The following AUH variants were observed in gnomAD, a reference collection of about 807,000 sequenced individuals.
The protein encoded by AUH is methylglutaconyl-CoA hydratase, mitochondrial.
Under a neutral mutation model 42.3 loss-of-function variants are expected in AUH, and 29 were observed. That is an observed-to-expected ratio of 0.69 (90% confidence interval 0.51 to 0.93). The LOEUF is 0.93. Ranked by LOEUF, AUH falls within the 40% of genes least tolerant of loss-of-function variation. AUH has a pLI of 0.00. For missense variants in AUH, 452 were observed against 438.1 expected, an observed-to-expected ratio of 1.03 and a Z score of -0.28; for synonymous variants, 174 against 166.4, an observed-to-expected ratio of 1.05 and a Z score of -0.35.
intron 1 of AUH, among the ~76,000 whole-genome samples, chr9:91,358,495 T>A (rs1233533141): frequency 6.6e-6 from 1 of 152,176 alleles, no homozygotes; most frequent in Non-Finnish European, 1.5e-5. Context: ...ACTTAACCTC[T>A]CTGATCCTCA....
chr9:91,335,790 T>A (rs914657752), intron 3 of AUH, among the ~76,000 whole-genome samples: 1 of 152,250 alleles, frequency 6.6e-6, no homozygotes. Flanking sequence ...AATTTCCCAA[T>A]GTAGGGGACT....
intron 4 of AUH, among the ~76,000 whole-genome samples, chr9:91,302,382 G>A (rs952285838): frequency 2.0e-5 from 3 of 152,034 alleles, no homozygotes; most frequent in African/African-American, 7.2e-5. Flanking sequence ...CTGAGGCCAG[G>A]AGTTTGAGAC....
chr9:91,308,938 C>T (rs1828454326), intron 4 of AUH, among the ~76,000 whole-genome samples: 1 of 151,724 alleles, frequency 6.6e-6, no homozygotes. Flanking sequence ...TTACAGGTGC[C>T]TACCATCATG....
chr9:91,309,338 A>T (rs1157630303), intron 4 of AUH, among the ~76,000 whole-genome samples: 1 of 152,062 alleles, frequency 6.6e-6, no homozygotes, highest in Non-Finnish European at 1.5e-5. Flanking sequence ...AAGACCCAGT[A>T]GTCAGTTCTT....
chr9:91,342,041 G>A (rs1831145318), intron 3 of AUH, among the ~76,000 whole-genome samples: 1 of 152,192 alleles, frequency 6.6e-6, no homozygotes, highest in South Asian at 2.1e-4. Context: ...GAGTAGGCGA[G>A]ACCTGACACA....
intron 3 of AUH, among the ~76,000 whole-genome samples, chr9:91,350,404 T>C (rs1485999104): frequency 1.3e-5 from 2 of 152,220 alleles, no homozygotes; most frequent in Admixed American, 1.3e-4. Flanking sequence ...AGGGATTCTA[T>C]AAAATTAAAG....
chr9:91,332,834 G>C (rs937020048), intron 3 of AUH, among the ~76,000 whole-genome samples: 1 of 152,214 alleles, frequency 6.6e-6, no homozygotes, highest in African/African-American at 2.4e-5. Context: ...ATGGGGGCGT[G>C]AGCATGGCCC....
chr9:91,222,964 A>G (rs920906672), intron 6 of AUH, among the ~76,000 whole-genome samples: 8 of 152,208 alleles, frequency 5.3e-5, no homozygotes, highest in Non-Finnish European at 1.0e-4. Flanking sequence ...TTCCACTTAT[A>G]GCATGATCCT....
intron 6 of AUH, among the ~76,000 whole-genome samples, chr9:91,234,834 G>A (rs1828086393): frequency 6.8e-6 from 1 of 146,794 alleles, no homozygotes; most frequent in African/African-American, 2.5e-5. Context: ...AGGGAAGAGA[G>A]TTCTGAGACA....
intron 3 of AUH, among the ~76,000 whole-genome samples, chr9:91,329,316 AC>A (rs1263475259): frequency 2.0e-5 from 3 of 151,870 alleles, no homozygotes; most frequent in African/African-American, 4.8e-5. Flanking sequence ...AAAAAAAAAA[AC>A]AAAAACCCTG....
At chr9:91,278,794 C>G (rs1050010641) in intron 6 of AUH, among the ~76,000 whole-genome samples, 1 of 152,134 alleles carries the variant, frequency 6.6e-6, no homozygotes, top group African/African-American at 2.4e-5. Flanking sequence ...CTGGATAAGG[C>G]AACAAAGGAC....
At chr9:91,282,683 C>G (rs1384989142) in intron 6 of AUH, among the ~76,000 whole-genome samples, 4 of 152,108 alleles carry the variant, frequency 2.6e-5, no homozygotes, top group African/African-American at 9.7e-5. Context: ...ACTATAAACA[C>G]CTCTATGCAA....
chr9:91,328,229 A>G (rs1376221275), intron 3 of AUH, among the ~76,000 whole-genome samples: 2 of 152,100 alleles, frequency 1.3e-5, no homozygotes, highest in Non-Finnish European at 2.9e-5. Context: ...TGGCATCAAT[A>G]CTACCCCTCC....
chr9:91,313,014 A>G (rs1032560805), intron 4 of AUH, among the ~76,000 whole-genome samples: 6 of 152,170 alleles, frequency 3.9e-5, no homozygotes, highest in African/African-American at 1.2e-4. Context: ...TAGAAACAAG[A>G]AAACAGGACA....
intron 6 of AUH, among the ~76,000 whole-genome samples, chr9:91,224,619 AT>A (rs1827331657): frequency 6.6e-6 from 1 of 152,054 alleles, no homozygotes; most frequent in Admixed American, 6.6e-5. Context: ...TTTTGTGTTA[AT>A]TTTTGCATAG....
chr9:91,349,206 T>C (rs73651421), intron 3 of AUH, among the ~76,000 whole-genome samples: 6,475 of 152,300 alleles, frequency 0.043, 436 homozygotes, highest in African/African-American at 0.14. Context: ...ACAATTTTAG[T>C]GACAAGTCAC....
At chr9:91,325,051 G>A (rs1245885615) in intron 4 of AUH, among the ~76,000 whole-genome samples, 2 of 152,044 alleles carry the variant, frequency 1.3e-5, no homozygotes, top group African/African-American at 2.4e-5. Flanking sequence ...TATAGATATT[G>A]TAAGTCAAAG....
chr9:91,336,495 T>C (rs1830698034), intron 3 of AUH, among the ~76,000 whole-genome samples: 2 of 151,980 alleles, frequency 1.3e-5, no homozygotes, highest in Non-Finnish European at 2.9e-5. Context: ...CTGGGCGTGA[T>C]GGTGCACACC....
At chr9:91,316,457 T>C (rs1829164823) in intron 4 of AUH, among the ~76,000 whole-genome samples, 1 of 152,224 alleles carries the variant, frequency 6.6e-6, no homozygotes, top group African/African-American at 2.4e-5. Context: ...CAATATCAAA[T>C]ACTTTTCCTA....
Sources: allele counts gnomAD v4.1 joint callset (sites outside exome capture counted in the v4.1 genomes callset), GRCh38; gene constraint gnomAD v4.1.1; transcripts MANE v1.5; gene names NCBI Gene and HGNC (gene_info 2026-07-23, HGNC 2026-07-21).